PHACTR1: variants seen among roughly 807,000 people sequenced by gnomAD.
The protein encoded by PHACTR1 is phosphatase and actin regulator 1.
A neutral mutation model predicts 69.2 loss-of-function variants in PHACTR1; 16 were observed. That is an observed-to-expected ratio of 0.23 (90% CI 0.16 to 0.35). PHACTR1 has a LOEUF of 0.35. PHACTR1 is among the 10% of genes least tolerant of loss of function. The pLI is 1.00. For synonymous variants in PHACTR1, 312 were observed against 284.5 expected (o/e 1.10, Z -0.97); for missense variants, 510 against 734.7 (o/e 0.69, Z 3.54).
At chr6:12,737,598 C>T (rs199885156) in intron 3 of PHACTR1, among the ~76,000 whole-genome samples, 2 of 142,952 alleles carry the variant, frequency 1.4e-5, no homozygotes, top group African/African-American at 2.6e-5. Context: ...TTCTTTCTTT[C>T]TTTTTTTTTT....
chr6:13,158,361 A>G (rs1758495475), intron 5 of PHACTR1, among the ~76,000 whole-genome samples: 2 of 152,024 alleles, frequency 1.3e-5, no homozygotes, highest in Admixed American at 6.5e-5. Context: ...CACTGTTTCC[A>G]TGTTTCCTGC....
chr6:13,066,485 C>G (rs1009391340), intron 5 of PHACTR1, among the ~76,000 whole-genome samples: 1 of 152,112 alleles, frequency 6.6e-6, no homozygotes, highest in African/African-American at 2.4e-5. Context: ...CATAGTTGTG[C>G]ACAGGTTAGG....
At chr6:13,105,397 C>A (rs529665447) in intron 5 of PHACTR1, among the ~76,000 whole-genome samples, 1 of 149,592 alleles carries the variant, frequency 6.7e-6, no homozygotes. Flanking sequence ...GTGTCGGGGG[C>A]GGGGTGGGGG....
chr6:13,169,930 G>T (rs1411721068), intron 6 of PHACTR1, among the ~76,000 whole-genome samples: 2 of 152,182 alleles, frequency 1.3e-5, no homozygotes, highest in Non-Finnish European at 2.9e-5. Flanking sequence ...CTTAGAGTTT[G>T]TTGGTGCTCA....
intron 7 of PHACTR1, among the ~76,000 whole-genome samples, chr6:13,195,451 G>T (rs1267685821): frequency 6.6e-6 from 1 of 152,000 alleles, no homozygotes; most frequent in Non-Finnish European, 1.5e-5. Flanking sequence ...TCTATAGCAG[G>T]TGCTGATTAA....
chr6:12,797,121 T>C (rs1293968902), intron 4 of PHACTR1, among the ~76,000 whole-genome samples: 1 of 151,594 alleles, frequency 6.6e-6, no homozygotes, highest in Non-Finnish European at 1.5e-5. Context: ...ACCTGAGGCC[T>C]TCCAGGAGTA....
At chr6:13,006,668 C>G (rs1258882355) in intron 4 of PHACTR1, among the ~76,000 whole-genome samples, 1 of 152,058 alleles carries the variant, frequency 6.6e-6, no homozygotes, top group Non-Finnish European at 1.5e-5. Context: ...GATACACACA[C>G]ACACACACAC....
chr6:12,817,979 A>G (rs1430069192), intron 4 of PHACTR1, among the ~76,000 whole-genome samples: 2 of 152,008 alleles, frequency 1.3e-5, no homozygotes, highest in Non-Finnish European at 2.9e-5. Flanking sequence ...GCCTGCCACC[A>G]TGCCAGGCTA....
intron 4 of PHACTR1, among the ~76,000 whole-genome samples, chr6:13,034,899 G>C (rs887664558): frequency 6.6e-6 from 1 of 152,176 alleles, no homozygotes; most frequent in Non-Finnish European, 1.5e-5. Context: ...AATGTTTCTT[G>C]AAGGATAGTT....
intron 5 of PHACTR1, among the ~76,000 whole-genome samples, chr6:13,111,790 C>A (rs1817079036): frequency 6.6e-6 from 1 of 152,052 alleles, no homozygotes; most frequent in Non-Finnish European, 1.5e-5. Flanking sequence ...TTTTTCTTTC[C>A]AGAAGCATTT....
intron 4 of PHACTR1, among the ~76,000 whole-genome samples, chr6:13,047,606 G>A (rs1805278456): frequency 6.6e-6 from 1 of 152,012 alleles, no homozygotes; most frequent in Non-Finnish European, 1.5e-5. Flanking sequence ...TCCAATTTAT[G>A]AGAATCTTAG....
intron 3 of PHACTR1, among the ~76,000 whole-genome samples, chr6:12,739,543 AATTT>A (rs1561836278): frequency 1.3e-5 from 2 of 151,916 alleles, no homozygotes; most frequent in African/African-American, 4.8e-5. Context: ...TAAATAAATA[AATTT>A]ATTTATTTTT....
chr6:12,789,906 C>G (rs1772037032), intron 4 of PHACTR1, among the ~76,000 whole-genome samples: 1 of 150,154 alleles, frequency 6.7e-6, no homozygotes, highest in Non-Finnish European at 1.5e-5. Flanking sequence ...AGGTATATCT[C>G]CTAATGCTAT....
At chr6:12,808,368 A>G (rs942266351) in intron 4 of PHACTR1, among the ~76,000 whole-genome samples, 2 of 152,224 alleles carry the variant, frequency 1.3e-5, no homozygotes, top group African/African-American at 2.4e-5. Flanking sequence ...TCATCAGTAC[A>G]TACTGAAAGT....
At chr6:12,906,291 C>T (rs538353375) in intron 4 of PHACTR1, among the ~76,000 whole-genome samples, 37 of 152,300 alleles carry the variant, frequency 2.4e-4, no homozygotes, top group African/African-American at 8.7e-4. Context: ...ACTTGGCTTA[C>T]AATACATATA....
At chr6:12,742,732 G>T (rs957754901) in intron 3 of PHACTR1, among the ~76,000 whole-genome samples, 1 of 152,078 alleles carries the variant, frequency 6.6e-6, no homozygotes, top group African/African-American at 2.4e-5. Context: ...AACTGCTTCT[G>T]GTTGAATAGG....
At chr6:13,038,910 C>A (rs1803758188) in intron 4 of PHACTR1, among the ~76,000 whole-genome samples, 1 of 152,156 alleles carries the variant, frequency 6.6e-6, no homozygotes, top group East Asian at 1.9e-4. Context: ...CTTCTCTGAT[C>A]TAGAAAACTG....
intron 3 of PHACTR1, among the ~76,000 whole-genome samples, chr6:12,734,907 G>C (rs1471717687): frequency 6.6e-6 from 1 of 152,146 alleles, no homozygotes. Context: ...GATAGTATTA[G>C]GCATTAACAA....
intron 5 of PHACTR1, among the ~76,000 whole-genome samples, chr6:13,087,334 A>G (rs185899870): frequency 2.0e-5 from 3 of 151,694 alleles, no homozygotes; most frequent in African/African-American, 7.2e-5. Flanking sequence ...AAATTTTTCT[A>G]GAAAATGAAA....
Sources: allele counts gnomAD v4.1 joint callset (sites outside exome capture counted in the v4.1 genomes callset), GRCh38; gene constraint gnomAD v4.1.1; transcripts MANE v1.5; gene names NCBI Gene and HGNC (gene_info 2026-07-23, HGNC 2026-07-21).